Variants in ZFP69 observed in about 807,000 individuals in gnomAD.
ZFP69 encodes the protein ZFP69 zinc finger protein.
Under a neutral mutation model 48.9 loss-of-function variants are expected in ZFP69, and 35 were observed. The ratio of observed to expected loss-of-function variants is 0.72; its 90% CI spans 0.55 to 0.95. ZFP69 has a LOEUF of 0.95. Among genes scored for constraint, ZFP69 ranks in the 40% least tolerant of loss-of-function variants. ZFP69 has a pLI of 0.00. For synonymous variants in ZFP69, 193 were observed against 216.8 expected (o/e 0.89, Z 0.96); for missense variants, 557 against 638.4 (o/e 0.87, Z 1.37).
At chr1:40,492,294 T>G (rs1425967360) in intron 5 of ZFP69, among the ~76,000 whole-genome samples, 1 of 152,246 alleles carries the variant, frequency 6.6e-6, no homozygotes, top group Non-Finnish European at 1.5e-5. Context: ...TTTATATAAA[T>G]AAATTTGTAT....
chr1:40,490,003 G>A (rs1040111560), intron 5 of ZFP69, among the ~76,000 whole-genome samples: 2 of 151,718 alleles, frequency 1.3e-5, no homozygotes, highest in African/African-American at 4.8e-5. Flanking sequence ...CCGAGTAGCT[G>A]GGACTACAGT....
At chr1:40,480,241 C>T (rs891644982) in intron 2 of ZFP69, among the ~76,000 whole-genome samples, 3 of 150,388 alleles carry the variant, frequency 2.0e-5, no homozygotes, top group African/African-American at 7.3e-5. Flanking sequence ...GGAACACAAG[C>T]GACGGAAAAC....
At chr1:40,489,349 A>G in intron 4 of ZFP69, 135 bp downstream of exon 4, 1 of 1,275,158 alleles carries the variant, frequency 7.8e-7, no homozygotes, top group Non-Finnish European at 1.1e-6. Flanking sequence ...TTTGAAAACC[A>G]AGTGAGGGCA....
chr1:40,489,617 C>T lies in ZFP69; in HGVS notation c.435C>T (p.Pro145=), dbSNP rs1310229087. 2 of 1,612,160 alleles carry T rather than the reference C, an allele frequency of 1.2e-6. No individual in the cohort carries two copies. Among genetic ancestry groups the T allele is most frequent in the Admixed American group, 1.7e-5 (1 of 59,374 alleles). The change falls in exon 5 of 6, where the codon CCC becomes CCT. Residue 145 remains proline (P), a synonymous_variant. Coordinates refer to ENST00000372706, the MANE Select transcript of ZFP69 (RefSeq NM_001320179.2). ...WMAEKEGPGD[P]SSDLKSKIET... is the part of the protein sequence containing the mutation. ...CAGAGAAAGAAGGCCCAGGAGATCC[C>T]AGTTCAGGTGAGACCAAGTGTGTTA...
intron 3 of ZFP69, among the ~76,000 whole-genome samples, chr1:40,488,771 A>G (rs1645532376): frequency 6.6e-6 from 1 of 152,134 alleles, no homozygotes; most frequent in African/African-American, 2.4e-5. Flanking sequence ...ACTTTACATA[A>G]AAGATCATCC....
chr1:40,481,724 T>G, intron 2 of ZFP69, 39 bp from the exon 3 acceptor site: 1 of 1,521,548 alleles, frequency 6.6e-7, no homozygotes, highest in Non-Finnish European at 9.0e-7. Flanking sequence ...TTGGGAGATT[T>G]GGGGAGATGC....
chr1:40,479,521 G>A, intron 2 of ZFP69, 33 bp downstream of exon 2: 2 of 1,585,668 alleles, frequency 1.3e-6, no homozygotes, highest in South Asian at 1.1e-5. Context: ...GGAAGAAGGG[G>A]ATCTCATTTG....
intron 1 of ZFP69, among the ~76,000 whole-genome samples, chr1:40,478,122 TCACACA>T (rs5773698): frequency 0.02 from 2,957 of 147,236 alleles, 96 homozygotes; most frequent in African/African-American, 0.07. Context: ...CTGCATATAG[TCACACA>T]CACACACACA....
rs1645399515 is a variant in ZFP69, at chr1:40,477,424, A to T, written c.-797A>T. 6.6e-6 allele frequency: 1 copy of T among 152,164 alleles called. No homozygotes were observed. The highest frequency in any genetic ancestry group is 1.5e-5 in the Non-Finnish European group (1 of 68,040). 9.4% of individuals were successfully genotyped at this position (152,164 alleles called of 1,614,324 possible). A position where few individuals can be genotyped will look rare whatever the true frequency, so the allele number is the denominator to read the frequency against. On this transcript the variant is annotated 5_prime_UTR_variant, in exon 1 of 6. Coordinates refer to ENST00000372706, the MANE Select transcript of ZFP69 (RefSeq NM_001320179.2). This position sits in a 1 kb window ranked among gnomAD's most constrained non-coding sequence, Gnocchi z 4.0. Reference sequence around the variant, plus strand: ...GAGGGCGCGGCCGGAGGCAGAGGCCAGGCGAGACACCCGGCTGCGGCCTAA... The same window carrying T: ...GAGGGCGCGGCCGGAGGCAGAGGCCTGGCGAGACACCCGGCTGCGGCCTAA...
At chr1:40,494,123 G>C (rs1357173068) in intron 5 of ZFP69, among the ~76,000 whole-genome samples, 1 of 151,972 alleles carries the variant, frequency 6.6e-6, no homozygotes, top group Non-Finnish European at 1.5e-5. Flanking sequence ...GAGTGGGGAG[G>C]GAAACATCTT....
chr1:40,481,059 G>A (rs575553938), intron 2 of ZFP69, among the ~76,000 whole-genome samples: 4 of 152,204 alleles, frequency 2.6e-5, no homozygotes, highest in East Asian at 3.9e-4. Flanking sequence ...CACCTGCCTC[G>A]GCCTCCCAAA....
At chr1:40,483,226 A>ATTTTTTTTTTTTTTTTTT (rs56706952) in intron 3 of ZFP69, among the ~76,000 whole-genome samples, 1,778 of 116,726 alleles carry the variant, frequency 0.015, 116 homozygotes, top group African/African-American at 0.032. Context: ...ACCTTTTTTA[A>ATTTTTTTTTTTTTTTTTT]TTTTTTTTTT....
At chr1:40,483,567 T>C (rs868254431) in intron 3 of ZFP69, among the ~76,000 whole-genome samples, 1 of 152,212 alleles carries the variant, frequency 6.6e-6, no homozygotes. Context: ...TGTATGTAAA[T>C]TGTACTTCAG....
intron 5 of ZFP69, among the ~76,000 whole-genome samples, chr1:40,494,091 C>A (rs561129681): frequency 6.6e-6 from 1 of 151,936 alleles, no homozygotes; most frequent in Admixed American, 6.6e-5. Context: ...ATTTTCTGAA[C>A]GAATGTCTCC....
chr1:40,489,497 C>G (rs758841438), intron 4 of ZFP69, 32 bp from the exon 5 acceptor site: 1 of 1,579,696 alleles, frequency 6.3e-7, no homozygotes, highest in Non-Finnish European at 8.7e-7. Context: ...TCAGCATAAA[C>G]ATTCACACTG....
At chr1:40,487,199 A>C (rs954568128) in intron 3 of ZFP69, among the ~76,000 whole-genome samples, 1 of 149,236 alleles carries the variant, frequency 6.7e-6, no homozygotes, top group African/African-American at 2.6e-5. Context: ...CTGGGATTAC[A>C]GGCATGAGCC....
rs149951455 is a variant in ZFP69, at chr1:40,495,347, T to G, written c.869T>G (p.Met290Arg). The G allele has an allele frequency of 8.7e-6, 14 of 1,614,038 alleles. No individual in the cohort carries two copies. The African/African-American group carries it at 1.1e-4, about 12-fold the overall frequency. The stretch of plus-strand genomic sequence containing the variant: ...CAACCTATTCACCTTACTGAACATA[T>G]GAGAATTCATACTGGTGAGAAACCT... ...FKQPIHLTEHMRIHTGEKPFR... is the reference protein window; with the variant it reads ...FKQPIHLTEHRRIHTGEKPFR... The change falls in exon 6 of 6, where the codon ATG becomes AGG. Residue 290 changes from methionine (M) to arginine (R), a missense_variant. By Grantham distance (91) the Met-to-Arg change is moderately conservative. Coordinates refer to ENST00000372706, the MANE Select transcript of ZFP69 (RefSeq NM_001320179.2).
In ZFP69 at chr1:40,489,166, C is replaced by G. The variant is rs116419914; in HGVS notation, c.298C>G (p.Leu100Val). 1.7e-4 allele frequency: 270 copies of G among 1,614,190 alleles called. No homozygotes were observed. The African/African-American group carries it at 3.3e-3, about 20-fold the overall frequency. Reference sequence around the variant, plus strand: ...GCAGCTGGCTCCTGCTCACCAGAATCTATACCGAGAGGTGATGCTGGAGAA... The same window carrying G: ...GCAGCTGGCTCCTGCTCACCAGAATGTATACCGAGAGGTGATGCTGGAGAA... ...WGQLAPAHQN[L>V]YREVMLENYS... The change falls in exon 4 of 6, where the codon CTA becomes GTA. Residue 100 changes from leucine (L) to valine (V), a missense_variant. Coordinates refer to ENST00000372706, the MANE Select transcript of ZFP69 (RefSeq NM_001320179.2).
At chr1:40,494,578 TATG>T (rs1215799589) in intron 5 of ZFP69, among the ~76,000 whole-genome samples, 3 of 147,312 alleles carry the variant, frequency 2.0e-5, no homozygotes, top group South Asian at 2.1e-4. Context: ...CAAATATTTA[TATG>T]ATATTTATAA....
Sources: gnomAD v4.1 joint callset for allele counts (sites outside exome capture counted in the v4.1 genomes callset) on GRCh38, gnomAD v4.1.1 for gene constraint, Gnocchi (gnomAD v3.1) non-coding constraint, MANE v1.5 for transcripts, NCBI Gene and HGNC (gene_info 2026-07-23, HGNC 2026-07-21) for gene names.